TVP23A: variants seen among roughly 807,000 people sequenced by gnomAD.
TVP23A encodes Golgi apparatus membrane protein TVP23 homolog A.
In TVP23A, 21 loss-of-function variants were observed where a neutral mutation model predicts 31.7. The observed-to-expected ratio is 0.66, with a 90% CI of 0.47 to 0.95. The LOEUF (loss-of-function observed/expected upper bound fraction) is 0.95, where lower values mean the gene tolerates loss of function less well. Ranked by LOEUF, TVP23A falls within the 40% of genes least tolerant of loss-of-function variation. The pLI is 0.00. For missense variants in TVP23A, 279 were observed against 255.6 expected (o/e 1.09, Z -0.62); for synonymous variants, 104 against 96.0 (o/e 1.08, Z -0.49).
rs1293696060 is a variant in TVP23A at position 10,779,619 on chromosome 16, T to C, written c.90-4523A>G. Reference sequence around the variant, plus strand: ...GACCAACTGAGAATCAGGCGGCATATTCTTGTGGCCCAAAAACGAGATGCA... The same window carrying C: ...GACCAACTGAGAATCAGGCGGCATACTCTTGTGGCCCAAAAACGAGATGCA... On this transcript the variant is annotated intron_variant, in intron 2 of 7. Transcript: ENST00000299866. This position sits in a 1 kb window ranked among gnomAD's most constrained non-coding sequence, Gnocchi z 4.9. 6.6e-6 allele frequency among the ~76,000 whole-genome samples: 1 copy of C among 152,200 alleles called. No homozygotes were observed. Among genetic ancestry groups the C allele is most frequent in the Non-Finnish European group, 1.5e-5 (1 of 68,036 alleles).
Position 10,768,277 on chromosome 16 carries a change from G to C in TVP23A, c.*825C>G. The C allele has an allele frequency of 3.5e-6, 1 of 282,246 alleles. No individual in the cohort carries two copies. The allele number at this position is 282,246 out of a possible 1,614,324, so 17.5% of individuals were successfully genotyped here. A position where few individuals can be genotyped will look rare whatever the true frequency, so the allele number is the denominator to read the frequency against. ...CTTAGGAAATACATCCCAATAAAGG[G>C]ATAAAGTAATTCATTTTTAAAAGTA... is the stretch of plus-strand genomic sequence containing the variant. On this transcript the variant is annotated 3_prime_UTR_variant, in exon 8 of 8. Coordinates refer to ENST00000299866, the MANE Select transcript of TVP23A (RefSeq NM_001079512.4). This position sits in a 1 kb window ranked among gnomAD's most constrained non-coding sequence, Gnocchi z 4.3.
chr16:10,817,299 G>C (rs146739458), intron 2 of TVP23A, among the ~76,000 whole-genome samples: 4 of 152,218 alleles, frequency 2.6e-5, no homozygotes, highest in Non-Finnish European at 5.9e-5. Context: ...GAATCAGAGA[G>C]TTTGATTTTA....
chr16:10,765,327 TAAA>T (rs533208449), downstream of TVP23A, among the ~76,000 whole-genome samples: 7,622 of 111,162 alleles, frequency 0.069, 314 homozygotes, highest in South Asian at 0.21. The surrounding 1 kb of genome is among the most constrained non-coding windows in gnomAD (Gnocchi z 4.0). Flanking sequence ...CCTCATCTCT[TAAA>T]AAAAAAAAAA....
At chr16:10,788,006 C>T (rs1367756648) in intron 2 of TVP23A, among the ~76,000 whole-genome samples, 1 of 152,124 alleles carries the variant, frequency 6.6e-6, no homozygotes, top group African/African-American at 2.4e-5. Flanking sequence ...CATGACACAG[C>T]CCCATGGGGT....
rs2031891573 is a variant in TVP23A at position 10,774,902 on chromosome 16, G to A, written c.234+50C>T. On this transcript the variant is annotated intron_variant, in intron 3 of 7. Coordinates refer to ENST00000299866, the MANE Select transcript of TVP23A (RefSeq NM_001079512.4). Reference sequence around the variant, plus strand: ...TACCTCTTGGTACCACGCACACAGGGGACAAGCCTCGTGTTTCGGAAGTGA... The same window carrying A: ...TACCTCTTGGTACCACGCACACAGGAGACAAGCCTCGTGTTTCGGAAGTGA... 3.2e-6 allele frequency: 5 copies of A among 1,555,924 alleles called. No individual in the cohort carries two copies. In the East Asian group the frequency reaches 1.1e-4, roughly 35 times the overall value.
At chr16:10,782,094 T>G (rs1295128799) in intron 2 of TVP23A, among the ~76,000 whole-genome samples, 2 of 151,970 alleles carry the variant, frequency 1.3e-5, no homozygotes, top group African/African-American at 4.8e-5. Flanking sequence ...ACTCCTGACC[T>G]CAGGTGATCC....
At chr16:10,774,816 CCTTA>C (rs1484553554) in intron 3 of TVP23A, 132 bp downstream of exon 3, 17 of 737,178 alleles carry the variant, frequency 2.3e-5, no homozygotes, top group Non-Finnish European at 3.5e-5. Flanking sequence ...TCTCCATTCC[CCTTA>C]CTTTTAAGTG....
downstream of TVP23A, chr16:10,761,697 G>A (rs2029924622): frequency 7.6e-6 from 10 of 1,314,844 alleles, no homozygotes; most frequent in African/African-American, 1.5e-5. Flanking sequence ...TTAAAATGTG[G>A]TCCATCCTTG....
chr16:10,818,075 G>A lies in TVP23A; in HGVS notation c.89+28C>T, dbSNP rs777421272. On this transcript the variant is annotated intron_variant, in intron 2 of 7. Coordinates refer to ENST00000299866, the MANE Select transcript of TVP23A (RefSeq NM_001079512.4). This position sits in a 1 kb window ranked among gnomAD's most constrained non-coding sequence, Gnocchi z 4.7. ...GAATGAATTTGCAGCTTTGGGGAAC[G>A]CCTGACCCAAGCTCCATCCCAACAC... 5 of 1,575,392 alleles carry A rather than the reference G, an allele frequency of 3.2e-6. No individual in the cohort carries two copies. The South Asian group carries it at 3.4e-5, about 11-fold the overall frequency.
At chr16:10,761,266 A>G in exon 9 of TVP23A, 2 of 1,098,812 alleles carry the variant, frequency 1.8e-6, no homozygotes, top group Non-Finnish European at 2.7e-6. Flanking sequence ...AGGCTTTATG[A>G]TCGCAGATCC....
chr16:10,784,510 G>A (rs1364898407), intron 2 of TVP23A, among the ~76,000 whole-genome samples: 3 of 150,998 alleles, frequency 2.0e-5, no homozygotes, highest in East Asian at 3.9e-4. Context: ...GCAGTGATCC[G>A]AGATCACACC....
At chr16:10,794,676 G>A (rs574341152) in intron 2 of TVP23A, among the ~76,000 whole-genome samples, 8 of 152,248 alleles carry the variant, frequency 5.3e-5, no homozygotes, top group South Asian at 2.1e-4. Context: ...GGGTGAGGGC[G>A]CTTGGCTGAG....
chr16:10,797,788 T>A (rs1464987655), intron 2 of TVP23A, among the ~76,000 whole-genome samples: 1 of 151,946 alleles, frequency 6.6e-6, no homozygotes, highest in Admixed American at 6.6e-5. Flanking sequence ...GTGATCTCTG[T>A]GGTTTGCTTC....
intron 2 of TVP23A, chr16:10,800,457 C>A (rs2033642159): frequency 6.6e-6 from 1 of 152,054 alleles, no homozygotes; most frequent in South Asian, 2.1e-4. Flanking sequence ...GTGTTTATGT[C>A]CCACCTCTAC....
At chr16:10,781,322 C>G (rs1353092098) in intron 2 of TVP23A, among the ~76,000 whole-genome samples, 2 of 146,420 alleles carry the variant, frequency 1.4e-5, no homozygotes, top group African/African-American at 5.3e-5. Context: ...GAGTGAGACT[C>G]CATCTCAAAA....
chr16:10,815,461 A>G (rs1472399760), intron 2 of TVP23A, among the ~76,000 whole-genome samples: 2 of 152,154 alleles, frequency 1.3e-5, no homozygotes, highest in Non-Finnish European at 2.9e-5. Flanking sequence ...TGTAATAGCC[A>G]CTGGTATGCC....
Position 10,767,491 on chromosome 16 carries a change from C to T in TVP23A, c.*1611G>A. 1 of 427,412 alleles carries T rather than the reference C, an allele frequency of 2.3e-6. No individual in the cohort carries two copies. Among genetic ancestry groups the T allele is most frequent in the Non-Finnish European group, 4.1e-6 (1 of 244,142 alleles). The allele number at this position is 427,412 out of a possible 1,614,324, so 26.5% of individuals were successfully genotyped here. ...GAGTGTGTGTATGTGTGTGCGCACA[C>T]ATGCAAGTGTGCACATTTATATGCG... is the stretch of plus-strand genomic sequence containing the variant. On this transcript the variant is annotated 3_prime_UTR_variant, in exon 8 of 8. Coordinates refer to ENST00000299866, the MANE Select transcript of TVP23A (RefSeq NM_001079512.4). The surrounding 1 kb of genome is among the most constrained non-coding windows in gnomAD (Gnocchi z 4.6).
At chr16:10,788,317 C>T (rs998035242) in intron 2 of TVP23A, among the ~76,000 whole-genome samples, 15 of 151,854 alleles carry the variant, frequency 9.9e-5, no homozygotes, top group Admixed American at 7.9e-4. Flanking sequence ...CTCTGTCGCC[C>T]AGGTTGGAGT....
At chr16:10,772,468 C>T (rs1464898931) in intron 5 of TVP23A, among the ~76,000 whole-genome samples, 1 of 152,116 alleles carries the variant, frequency 6.6e-6, no homozygotes, top group Non-Finnish European at 1.5e-5. Flanking sequence ...CTCCTGGGTT[C>T]AAGCGATTCT....
Sources: allele counts gnomAD v4.1 joint callset (sites outside exome capture counted in the v4.1 genomes callset), GRCh38; gene constraint gnomAD v4.1.1; non-coding constraint Gnocchi (gnomAD v3.1); transcripts MANE v1.5; gene names NCBI Gene and HGNC (gene_info 2026-07-23, HGNC 2026-07-21).